DIAPH2: variants seen among roughly 807,000 people sequenced by gnomAD.
DIAPH2 encodes diaphanous related formin 2, also known as protein diaphanous homolog 2.
Under a neutral mutation model 92.7 loss-of-function variants are expected in DIAPH2, and 35 were observed. That is an observed-to-expected ratio of 0.38 (90% CI 0.29 to 0.50). The LOEUF is 0.50. Ranked by LOEUF, DIAPH2 falls within the 20% of genes least tolerant of loss-of-function variation. The pLI is 0.94. For missense variants in DIAPH2, 701 were observed against 819.5 expected, an observed-to-expected ratio of 0.86 and a Z score of 1.77; for synonymous variants, 301 against 280.4, an observed-to-expected ratio of 1.07 and a Z score of -0.73.
intron 26 of DIAPH2, among the ~76,000 whole-genome samples, chrX:97,538,731 A>G (rs2071116406): frequency 8.9e-6 from 1 of 112,267 alleles, no homozygotes; most frequent in Non-Finnish European, 1.9e-5. Flanking sequence ...TGCACATTAT[A>G]CTGAAACAAA....
chrX:97,553,357 C>G (rs778504546), intron 26 of DIAPH2, among the ~76,000 whole-genome samples: 1 of 110,927 alleles, frequency 9.0e-6, no homozygotes, highest in South Asian at 3.8e-4. Flanking sequence ...GTTCACATAC[C>G]ACAGATAAGC....
chrX:97,583,644 C>T (rs1281847636), intron 26 of DIAPH2, among the ~76,000 whole-genome samples: 1 of 111,453 alleles, frequency 9.0e-6, no homozygotes, highest in East Asian at 2.8e-4. Context: ...TGTGCCCTGC[C>T]CCCAGAGGTG....
chrX:96,716,887 T>G (rs2147542755), intron 1 of DIAPH2, among the ~76,000 whole-genome samples: 1 of 112,004 alleles, frequency 8.9e-6, no homozygotes, highest in South Asian at 3.7e-4. Context: ...CATTTGCTTT[T>G]CTTTTTCTAT....
intron 22 of DIAPH2, among the ~76,000 whole-genome samples, chrX:97,221,108 A>T (rs1357176799): frequency 1.6e-5 from 1 of 63,060 alleles, no homozygotes; most frequent in African/African-American, 5.3e-5. Context: ...CTTTAGATGA[A>T]TTTTTGTTTT....
intron 22 of DIAPH2, among the ~76,000 whole-genome samples, chrX:97,201,828 T>C (rs1274451186): frequency 9.0e-6 from 1 of 110,563 alleles, no homozygotes. Context: ...ACCACTAAGA[T>C]ACTCCATGAG....
chrX:96,986,615 CCT>C (rs2066033577), intron 17 of DIAPH2, among the ~76,000 whole-genome samples: 1 of 110,874 alleles, frequency 9.0e-6, no homozygotes, highest in Admixed American at 9.7e-5. Context: ...GAAAATATGC[CCT>C]GCTTTATTAT....
At chrX:97,093,439 A>G (rs939552781) in intron 19 of DIAPH2, among the ~76,000 whole-genome samples, 3 of 111,189 alleles carry the variant, frequency 2.7e-5, no homozygotes, top group Non-Finnish European at 5.7e-5. Context: ...CCAGGTACCC[A>G]CCCGCGTCTG....
intron 4 of DIAPH2, among the ~76,000 whole-genome samples, chrX:96,826,666 C>T (rs1318164068): frequency 1.8e-5 from 2 of 111,723 alleles, no homozygotes; most frequent in East Asian, 2.8e-4. Flanking sequence ...GTGAGGAACA[C>T]ACCACACCTG....
At chrX:97,342,436 G>C (rs1316265329) in intron 23 of DIAPH2, among the ~76,000 whole-genome samples, 1 of 112,455 alleles carries the variant, frequency 8.9e-6, no homozygotes, top group African/African-American at 3.2e-5. Flanking sequence ...CATACTAGCT[G>C]TGTGACCTTA....
At chrX:96,808,158 A>G (rs1216349363) in intron 4 of DIAPH2, among the ~76,000 whole-genome samples, 4 of 108,677 alleles carry the variant, frequency 3.7e-5, no homozygotes, top group Non-Finnish European at 7.6e-5. Flanking sequence ...ACTTTAATTC[A>G]GTTGCCATCC....
intron 9 of DIAPH2, 51 bp from the exon 10 acceptor site, chrX:96,930,682 T>C: frequency 1.1e-6 from 1 of 936,560 alleles, no homozygotes; most frequent in African/African-American, 1.9e-5. Context: ...AATGCATTAT[T>C]TCATTAATTT....
At chrX:96,694,947 C>CT (rs781695336) in intron 1 of DIAPH2, among the ~76,000 whole-genome samples, 1,344 of 90,136 alleles carry the variant, frequency 0.015, 39 homozygotes, top group East Asian at 0.1. Context: ...AGCTAATGGT[C>CT]TTTTTTTTTT....
intron 1 of DIAPH2, among the ~76,000 whole-genome samples, chrX:96,718,888 C>T (rs906963557): frequency 1.8e-5 from 2 of 111,811 alleles, no homozygotes. Flanking sequence ...TACTGATTTA[C>T]ATTCCCACCG....
chrX:97,414,022 T>C (rs752144224), intron 25 of DIAPH2, among the ~76,000 whole-genome samples: 36 of 111,942 alleles, frequency 3.2e-4, no homozygotes, highest in African/African-American at 1.1e-3. Flanking sequence ...AAACTACCAA[T>C]GACTTCCTTC....
At chrX:96,980,255 T>C (rs2065986729) in intron 17 of DIAPH2, among the ~76,000 whole-genome samples, 1 of 111,156 alleles carries the variant, frequency 9.0e-6, no homozygotes, top group Non-Finnish European at 1.9e-5. Flanking sequence ...TTATTGCCAA[T>C]GGAAGTGGCT....
intron 22 of DIAPH2, among the ~76,000 whole-genome samples, chrX:97,236,866 T>A (rs2068052764): frequency 8.9e-6 from 1 of 111,846 alleles, no homozygotes; most frequent in African/African-American, 3.2e-5. Flanking sequence ...ATTAAGTGAT[T>A]GCTCAGATAA....
At chrX:97,337,611 A>G (rs1342848312) in intron 23 of DIAPH2, among the ~76,000 whole-genome samples, 1 of 111,683 alleles carries the variant, frequency 9.0e-6, no homozygotes, top group East Asian at 2.8e-4. Context: ...TAAATTACCC[A>G]GTCTCAGGTA....
intron 4 of DIAPH2, among the ~76,000 whole-genome samples, chrX:96,795,281 A>T (rs233665): frequency 5.4e-5 from 6 of 110,324 alleles, no homozygotes; most frequent in Admixed American, 4.8e-4. Flanking sequence ...GTAATAAAAA[A>T]ATTTGAGGGA....
rs749133122 is a variant in DIAPH2 at position 97,353,705 on chromosome X, C to T, written c.3009+5425C>T. ...TATGTGCTACTGTTCATTTGATAAACTTTGGAACAGCTCCTAGATGAGCAT... is the reference window on the plus strand; with the variant it reads ...TATGTGCTACTGTTCATTTGATAAATTTTGGAACAGCTCCTAGATGAGCAT... On this transcript the variant is annotated intron_variant, in intron 24 of 26. Transcript: ENST00000324765. Among the ~76,000 whole-genome samples, 6 of 108,362 alleles carry T rather than the reference C, an allele frequency of 5.5e-5. No homozygotes were observed. The South Asian group carries it at 2.3e-3, about 41-fold the overall frequency. The allele number at this position is 108,362 out of a possible 115,157, so 94.1% of individuals were successfully genotyped here.
Sources: allele counts gnomAD v4.1 joint callset (sites outside exome capture counted in the v4.1 genomes callset), GRCh38; gene constraint gnomAD v4.1.1; transcripts MANE v1.5; gene names NCBI Gene and HGNC (gene_info 2026-07-23, HGNC 2026-07-21).